POLN: variants seen among roughly 807,000 people sequenced by gnomAD.
The protein encoded by POLN is DNA polymerase N.
A neutral mutation model predicts 113.5 loss-of-function variants in POLN; 108 were observed. The ratio of observed to expected loss-of-function variants is 0.95; its 90% CI spans 0.81 to 1.12. The LOEUF (loss-of-function observed/expected upper bound fraction) is 1.12. POLN is among the 50% of genes most tolerant of loss of function. POLN has a pLI of 0.00. For missense variants in POLN, 1,097 were observed against 1,077.1 expected, an observed-to-expected ratio of 1.02 and a Z score of -0.26; for synonymous variants, 386 against 391.5, an observed-to-expected ratio of 0.99 and a Z score of 0.17.
chr4:2,073,579 T>C (rs1270443860), intron 24 of POLN, among the ~76,000 whole-genome samples: 2 of 152,214 alleles, frequency 1.3e-5, no homozygotes, highest in African/African-American at 4.8e-5. Flanking sequence ...TGGATCACCA[T>C]GCAGCAGTGG....
At chr4:2,181,220 C>G (rs1733133141) in intron 7 of POLN, among the ~76,000 whole-genome samples, 1 of 152,204 alleles carries the variant, frequency 6.6e-6, no homozygotes, top group African/African-American at 2.4e-5. Context: ...TCTCGGCTCA[C>G]TGCAACCTCT....
chr4:2,088,956 G>T, intron 20 of POLN: 1 of 953,994 alleles, frequency 1.0e-6, no homozygotes. Flanking sequence ...GCCTTGGTCC[G>T]AGACAGAGAA....
chr4:2,193,405 A>T, intron 6 of POLN, 89 bp from the exon 7 acceptor site: 1 of 753,538 alleles, frequency 1.3e-6, no homozygotes, highest in Non-Finnish European at 2.2e-6. Flanking sequence ...ACTAACAGCT[A>T]TCACTTAGAT....
intron 19 of POLN, among the ~76,000 whole-genome samples, chr4:2,115,222 A>AT (rs1281681487): frequency 5.6e-5 from 5 of 89,894 alleles, no homozygotes; most frequent in African/African-American, 2.4e-4. Context: ...ATATATATAT[A>AT]TATATATTTT....
chr4:2,167,872 C>T (rs1311261063), intron 13 of POLN, among the ~76,000 whole-genome samples: 1 of 152,058 alleles, frequency 6.6e-6, no homozygotes, highest in East Asian at 1.9e-4. Flanking sequence ...GCACTCCAGC[C>T]TGGGTGACAA....
chr4:2,203,885 G>A (rs1652319670), intron 5 of POLN, among the ~76,000 whole-genome samples: 1 of 152,144 alleles, frequency 6.6e-6, no homozygotes, highest in South Asian at 2.1e-4. Context: ...AGAGGAGGGT[G>A]GATCACCTGA....
rs551704507 is a variant in POLN, at chr4:2,131,058, GC to G, written c.1789+174del. On this transcript the variant is annotated intron_variant, in intron 17 of 25. Transcript: ENST00000511885. ...AAATTAGCCAAGTATGGTGGTGTGT[GC>G]CTGTAGGCCCAGCTACCCAGGAGAT... is the stretch of plus-strand genomic sequence containing the variant. 2.0e-5 allele frequency among the ~76,000 whole-genome samples: 3 copies of G among 152,224 alleles called. No homozygotes were observed. The South Asian group carries it at 6.2e-4, about 32-fold the overall frequency.
At chr4:2,198,389 G>A in intron 6 of POLN, 135 bp downstream of exon 6, 1 of 662,200 alleles carries the variant, frequency 1.5e-6, no homozygotes. Flanking sequence ...CTATCACTTG[G>A]ATCCATTTTA....
rs776463438 is a variant in POLN at position 2,176,246 on chromosome 4, A to G, written c.1248+20T>C. On this transcript the variant is annotated intron_variant, in intron 9 of 25. Transcript: ENST00000511885. The stretch of plus-strand genomic sequence containing the variant: ...TCTTGTGAGCCTCTGTCAGCCAGAA[A>G]TTATAATAAAATGCCTTGCCTTCAG... 6.9e-6 allele frequency: 11 copies of G among 1,590,592 alleles called. No homozygotes were observed. The highest frequency in any genetic ancestry group is 9.5e-6 in the Non-Finnish European group (11 of 1,161,736).
In POLN at chr4:2,198,715, G is replaced by A. The variant is rs374131352; in HGVS notation, c.717C>T (p.Thr239=). ...DGSTQLGADQ[T]PVSSVRGIVV... ...CAATTCCTCTAACAGAAGAAACGGG[G>A]GTCTGTGGAAACACAACAAAATAAA... The change falls in exon 6 of 26, where the codon ACC becomes ACT. Residue 239 remains threonine (T), a splice_region_variant and synonymous_variant. Transcript: ENST00000511885. 12 of 1,599,094 alleles carry A rather than the reference G, an allele frequency of 7.5e-6. No individual in the cohort carries two copies. The highest frequency in any genetic ancestry group is 9.4e-6 in the Non-Finnish European group (11 of 1,172,786).
chr4:2,091,761 CTGTGTGTGTGTGTGTG>C (rs765518897), intron 20 of POLN, among the ~76,000 whole-genome samples: 4 of 145,214 alleles, frequency 2.8e-5, no homozygotes, highest in African/African-American at 7.7e-5. Context: ...ACACGTGAAT[CTGTGTGTGTGTGTGTG>C]TGTGTGTGTG....
At chr4:2,161,597 G>A (rs963493690) in intron 13 of POLN, among the ~76,000 whole-genome samples, 4 of 152,162 alleles carry the variant, frequency 2.6e-5, no homozygotes, top group Admixed American at 6.5e-5. Context: ...GATGAGCGCC[G>A]CCCCCTGCTC....
chr4:2,190,894 GA>G (rs1733423188), intron 7 of POLN, among the ~76,000 whole-genome samples: 1 of 152,202 alleles, frequency 6.6e-6, no homozygotes, highest in Non-Finnish European at 1.5e-5. Context: ...AGGATATGGA[GA>G]AAGGGGAACC....
At chr4:2,236,168 T>A in intron 2 of POLN, 1 of 976,942 alleles carries the variant, frequency 1.0e-6, no homozygotes, top group Non-Finnish European at 1.6e-6. Flanking sequence ...TTTTCTTTAA[T>A]ATCTTTTACA....
chr4:2,152,490 T>C (rs777071032), intron 16 of POLN, among the ~76,000 whole-genome samples: 13 of 151,522 alleles, frequency 8.6e-5, no homozygotes, highest in Non-Finnish European at 1.3e-4. Context: ...GCTCAGCTAA[T>C]TTAAAGCATC....
intron 16 of POLN, among the ~76,000 whole-genome samples, chr4:2,144,436 C>G (rs953540161): frequency 6.6e-6 from 1 of 152,006 alleles, no homozygotes; most frequent in African/African-American, 2.4e-5. Flanking sequence ...AGCCACCGCC[C>G]CTGGTCCTAA....
At position 2,198,632 on chromosome 4, in the gene POLN, C is replaced by T. The variant is rs1311997789; in HGVS notation, c.800G>A (p.Cys267Tyr). Residue 267 changes from cysteine to tyrosine, a missense_variant, in exon 6 of 26, where the codon TGT becomes TAT. By Grantham distance (194) the Cys-to-Tyr change is radical (BLOSUM62 -2). Coordinates refer to ENST00000511885, the MANE Select transcript of POLN (RefSeq NM_181808.4). Reference protein sequence around the residue: ...GGHGCPDAPACGPVLEGFVSD... With the variant: ...GGHGCPDAPAYGPVLEGFVSD... ...CACAAAGCCCTCCAGAACAGGACCA[C>T]AGGCCGGGGCATCTGGACAGCCATG... 8 of 1,613,866 alleles carry T rather than the reference C, an allele frequency of 5.0e-6. No homozygotes were observed. Among genetic ancestry groups the T allele is most frequent in the Non-Finnish European group, 6.8e-6 (8 of 1,179,994 alleles).
At chr4:2,240,094 T>C (rs1560106502) in intron 2 of POLN, 1 of 1,614,098 alleles carries the variant, frequency 6.2e-7, no homozygotes, top group East Asian at 2.2e-5. Context: ...GACTTCATGC[T>C]CGAATTACTT....
At chr4:2,240,257 A>G in intron 2 of POLN, 1 of 1,613,826 alleles carries the variant, frequency 6.2e-7, no homozygotes, top group African/African-American at 1.3e-5. Flanking sequence ...TTGAACTTTC[A>G]ACTACTTCAT....
Sources: gnomAD v4.1 joint callset for allele counts (sites outside exome capture counted in the v4.1 genomes callset) on GRCh38, gnomAD v4.1.1 for gene constraint, MANE v1.5 for transcripts, NCBI Gene and HGNC (gene_info 2026-07-23, HGNC 2026-07-21) for gene names.